AIG1: variants seen among roughly 807,000 people sequenced by gnomAD.
AIG1 encodes the protein androgen induced 1.
AIG1 carries 23 observed loss-of-function variants against 31.4 expected under a neutral mutation model. The observed-to-expected ratio is 0.73, with a 90% confidence interval of 0.53 to 1.04. The LOEUF is 1.04. AIG1 is among the 50% of genes least tolerant of loss of function. AIG1 has a pLI of 0.00. For synonymous variants in AIG1, 100 were observed against 110.5 expected, an observed-to-expected ratio of 0.90 and a Z score of 0.60; for missense variants, 274 against 295.0, an observed-to-expected ratio of 0.93 and a Z score of 0.52.
chr6:143,153,462 C>G (rs1785437110), intron 2 of AIG1, among the ~76,000 whole-genome samples: 1 of 152,186 alleles, frequency 6.6e-6, no homozygotes, highest in East Asian at 1.9e-4. Context: ...ATTCTCCTGC[C>G]TCAGCCTCCC....
chr6:143,135,234 A>T (rs1783625716), intron 1 of AIG1, among the ~76,000 whole-genome samples: 3 of 152,118 alleles, frequency 2.0e-5, no homozygotes, highest in Non-Finnish European at 2.9e-5. Context: ...CAGATTAGCT[A>T]GTAATGAAGA....
intron 2 of AIG1, among the ~76,000 whole-genome samples, chr6:143,163,936 C>T (rs1786667692): frequency 6.6e-6 from 1 of 152,114 alleles, no homozygotes; most frequent in African/African-American, 2.4e-5. Context: ...CCTCCTTTGC[C>T]TTCCCTCACT....
chr6:143,255,671 CATAA>C (rs1305905045), intron 3 of AIG1, among the ~76,000 whole-genome samples: 5 of 151,952 alleles, frequency 3.3e-5, no homozygotes, highest in South Asian at 4.1e-4. Context: ...GATTGGAGGT[CATAA>C]ATATTTTCTG....
At chr6:143,229,784 C>CAACAAAAAA (rs1554260078) in intron 3 of AIG1, among the ~76,000 whole-genome samples, 1 of 80,708 alleles carries the variant, frequency 1.2e-5, no homozygotes. Flanking sequence ...ACTCTCAGAA[C>CAACAAAAAA]AAAAAAAAAA....
At chr6:143,319,269 T>A (rs1446091054) in intron 4 of AIG1, among the ~76,000 whole-genome samples, 3 of 152,190 alleles carry the variant, frequency 2.0e-5, no homozygotes, top group African/African-American at 2.4e-5. Flanking sequence ...ATTTGGTATG[T>A]ATACACCACG....
intron 4 of AIG1, among the ~76,000 whole-genome samples, chr6:143,285,976 G>C (rs1797657599): frequency 6.6e-6 from 1 of 152,076 alleles, no homozygotes; most frequent in African/African-American, 2.4e-5. Context: ...AAACATACCT[G>C]GAACTTCCTA....
chr6:143,092,050 C>T (rs929948641), intron 1 of AIG1, among the ~76,000 whole-genome samples: 22 of 152,142 alleles, frequency 1.4e-4, no homozygotes, highest in African/African-American at 3.9e-4. Flanking sequence ...ATTTATTTTG[C>T]CCAGATCCAT....
chr6:143,109,106 C>T (rs1405580463), intron 1 of AIG1, among the ~76,000 whole-genome samples: 3 of 138,554 alleles, frequency 2.2e-5, no homozygotes, highest in East Asian at 2.3e-4. Context: ...ATGCAGCTTA[C>T]GTTGCTGTTT....
intron 1 of AIG1, among the ~76,000 whole-genome samples, chr6:143,116,077 G>A (rs756520181): frequency 6.6e-6 from 1 of 152,200 alleles, no homozygotes; most frequent in Non-Finnish European, 1.5e-5. Context: ...GACAGGAAGT[G>A]TTTACCATCT....
intron 3 of AIG1, among the ~76,000 whole-genome samples, chr6:143,277,512 C>T (rs1797024217): frequency 6.6e-6 from 1 of 152,220 alleles, no homozygotes; most frequent in Non-Finnish European, 1.5e-5. Context: ...CACACACGCA[C>T]ATGCACACTG....
chr6:143,310,122 G>A (rs1775144549), intron 4 of AIG1, among the ~76,000 whole-genome samples: 1 of 151,776 alleles, frequency 6.6e-6, no homozygotes, highest in Non-Finnish European at 1.5e-5. Flanking sequence ...TAGTTGACCT[G>A]AACAACCATC....
intron 3 of AIG1, among the ~76,000 whole-genome samples, chr6:143,232,671 C>G (rs556409528): frequency 6.6e-5 from 10 of 152,190 alleles, no homozygotes; most frequent in African/African-American, 2.2e-4. Flanking sequence ...CCATAACCTG[C>G]TAATAACTGA....
chr6:143,175,394 A>G (rs750171471), intron 3 of AIG1, among the ~76,000 whole-genome samples: 2 of 152,190 alleles, frequency 1.3e-5, no homozygotes, highest in Non-Finnish European at 2.9e-5. Flanking sequence ...TTCCTCAAAC[A>G]TGTTTTCCAG....
intron 1 of AIG1, among the ~76,000 whole-genome samples, chr6:143,072,666 A>C (rs1777400192): frequency 6.6e-6 from 1 of 152,180 alleles, no homozygotes; most frequent in Non-Finnish European, 1.5e-5. Context: ...AAAAAACTAC[A>C]AATGGATGTT....
intron 1 of AIG1, among the ~76,000 whole-genome samples, chr6:143,133,393 C>A (rs1214350689): frequency 6.6e-6 from 1 of 152,092 alleles, no homozygotes; most frequent in African/African-American, 2.4e-5. Context: ...TGGAATACAT[C>A]TCTATCCTGA....
intron 3 of AIG1, among the ~76,000 whole-genome samples, chr6:143,206,161 G>T (rs538115215): frequency 6.6e-6 from 1 of 152,316 alleles, no homozygotes; most frequent in East Asian, 1.9e-4. Flanking sequence ...GTGTGACATG[G>T]CATAAACTGC....
chr6:143,101,757 G>A (rs1780300955), intron 1 of AIG1, among the ~76,000 whole-genome samples: 1 of 152,056 alleles, frequency 6.6e-6, no homozygotes, highest in African/African-American at 2.4e-5. Context: ...CACCATTAAA[G>A]AACTTATTCA....
At position 143,326,636 on chromosome 6, in the gene AIG1, A is replaced by T. The variant is rs1187254094; in HGVS notation, c.516-6646A>T. The stretch of plus-strand genomic sequence containing the variant: ...TGAATGAGAGCCCTAGTTCTATAAG[A>T]ACTTATAAAAATCTGTCCTAATCTG... On this transcript the variant is annotated intron_variant, in intron 4 of 5. Transcript: ENST00000357847. This position sits in a 1 kb window ranked among gnomAD's most constrained non-coding sequence, Gnocchi z 4.5. Among the ~76,000 whole-genome samples, 1 of 152,246 alleles carries T rather than the reference A, an allele frequency of 6.6e-6. No homozygotes were observed. The highest frequency in any genetic ancestry group is 2.4e-5 in the African/African-American group (1 of 41,474).
chr6:143,107,968 A>G (rs1451492559), intron 1 of AIG1, among the ~76,000 whole-genome samples: 1 of 152,190 alleles, frequency 6.6e-6, no homozygotes, highest in Non-Finnish European at 1.5e-5. Flanking sequence ...CTTTCTCTGG[A>G]AACTGATTTG....
Sources: gnomAD v4.1 joint callset for allele counts (sites outside exome capture counted in the v4.1 genomes callset) on GRCh38, gnomAD v4.1.1 for gene constraint, Gnocchi (gnomAD v3.1) non-coding constraint, MANE v1.5 for transcripts, NCBI Gene and HGNC (gene_info 2026-07-23, HGNC 2026-07-21) for gene names.